The following TEX9 variants were observed in gnomAD, a reference collection of about 807,000 sequenced individuals.
The protein encoded by TEX9 is testis expressed 9.
Under a neutral mutation model 59.6 loss-of-function variants are expected in TEX9, and 74 were observed. The ratio of observed to expected loss-of-function variants is 1.24; its 90% CI spans 1.03 to 1.51. The LOEUF (loss-of-function observed/expected upper bound fraction) is 1.51. Ranked by LOEUF, TEX9 falls within the 40% of genes most tolerant of loss-of-function variation. The pLI is 0.00. For missense variants in TEX9, 522 were observed against 447.8 expected (o/e 1.17, Z -1.49); for synonymous variants, 186 against 152.2 (o/e 1.22, Z -1.64).
the TEX9 span, among the ~76,000 whole-genome samples, chr15:56,453,259 A>C: frequency 3.9e-5 from 6 of 152,182 alleles, no homozygotes; most frequent in Admixed American, 2.6e-4. Context: ...AATTTACTAT[A>C]CATGTACCTC....
intron 12 of TEX9, chr15:56,428,833 G>A (rs1443621690): frequency 2.5e-6 from 1 of 394,920 alleles, no homozygotes; most frequent in South Asian, 4.5e-5. Context: ...TATTAGTCAA[G>A]GTAAATATAC....
chr15:56,359,934 G>T (rs1313443838), intron 1 of TEX9, among the ~76,000 whole-genome samples: 1 of 152,148 alleles, frequency 6.6e-6, no homozygotes, highest in African/African-American at 2.4e-5. Flanking sequence ...CTGAGAGTTT[G>T]TACCTTCAGG....
intron 9 of TEX9, among the ~76,000 whole-genome samples, chr15:56,400,467 A>G (rs536233554): frequency 2.4e-4 from 37 of 152,362 alleles, no homozygotes; most frequent in Admixed American, 1.4e-3. Context: ...CAGAGCCTTC[A>G]AGAAAAATGG....
At chr15:56,397,806 G>A (rs1347613009) in intron 9 of TEX9, 4 of 152,206 alleles carry the variant, frequency 2.6e-5, no homozygotes, top group African/African-American at 9.7e-5. Flanking sequence ...TTAAAAATGG[G>A]AATTTCCCTG....
chr15:56,245,793 T>C (rs115092272), intron 1 of TEX9, among the ~76,000 whole-genome samples: 2,067 of 152,316 alleles, frequency 0.014, 45 homozygotes, highest in African/African-American at 0.047. Context: ...ATTTGAGTCC[T>C]GGAAGTTTAA....
chr15:56,371,101 A>G (rs973508764), intron 2 of TEX9, among the ~76,000 whole-genome samples: 1 of 151,610 alleles, frequency 6.6e-6, no homozygotes, highest in Non-Finnish European at 1.5e-5. Context: ...TCCTCCCTCC[A>G]CCTCCCACTG....
chr15:56,282,414 A>G (rs1334963047), intron 1 of TEX9, among the ~76,000 whole-genome samples: 1 of 152,202 alleles, frequency 6.6e-6, no homozygotes, highest in Non-Finnish European at 1.5e-5. Context: ...AAAACCCAAA[A>G]GGCATATTCA....
intron 1 of TEX9, among the ~76,000 whole-genome samples, chr15:56,262,233 T>G (rs989862637): frequency 6.6e-6 from 1 of 152,206 alleles, no homozygotes; most frequent in Non-Finnish European, 1.5e-5. Context: ...CCAAAACGCA[T>G]TTTCACACAA....
intron 12 of TEX9, chr15:56,431,458 T>G (rs771575913): frequency 1.2e-6 from 2 of 1,613,662 alleles, no homozygotes; most frequent in Non-Finnish European, 1.7e-6. Context: ...AATAAATCCT[T>G]GCCGCCTTTG....
chr15:56,443,850 T>G (rs942563497), intron 12 of TEX9: 25 of 1,596,090 alleles, frequency 1.6e-5, no homozygotes, highest in Non-Finnish European at 2.1e-5. Flanking sequence ...TTTTGTTGTT[T>G]TTCCCTGAAA....
At chr15:56,309,586 C>T (rs1211936601) in intron 1 of TEX9, among the ~76,000 whole-genome samples, 1 of 149,440 alleles carries the variant, frequency 6.7e-6, no homozygotes, top group African/African-American at 2.5e-5. Flanking sequence ...AGTATTCTCT[C>T]CTTTTCTATT....
intron 10 of TEX9, among the ~76,000 whole-genome samples, chr15:56,413,209 A>ATAATTAAATAATTTAATT (rs2049461570): frequency 7.5e-6 from 1 of 132,852 alleles, no homozygotes; most frequent in Admixed American, 7.8e-5. Context: ...TTAATATTTA[A>ATAATTAAATAATTTAATT]TAATTAAATA....
At chr15:56,347,900 C>T (rs2046502376) in intron 1 of TEX9, among the ~76,000 whole-genome samples, 1 of 151,936 alleles carries the variant, frequency 6.6e-6, no homozygotes, top group Non-Finnish European at 1.5e-5. Flanking sequence ...ATATAATGAG[C>T]TCTTAAAACC....
At chr15:56,420,929 T>C (rs2049948302) in intron 10 of TEX9, among the ~76,000 whole-genome samples, 1 of 151,954 alleles carries the variant, frequency 6.6e-6, no homozygotes, top group South Asian at 2.1e-4. Context: ...TTTGAATCAC[T>C]CTAAATTTAT....
At chr15:56,379,346 C>G (rs936930377) in intron 3 of TEX9, among the ~76,000 whole-genome samples, 16 of 152,054 alleles carry the variant, frequency 1.1e-4, no homozygotes, top group African/African-American at 3.9e-4. Flanking sequence ...ATTTCTATGT[C>G]TTTGTATAGT....
chr15:56,255,028 A>C (rs1425719722), intron 1 of TEX9, among the ~76,000 whole-genome samples: 1 of 152,034 alleles, frequency 6.6e-6, no homozygotes, highest in African/African-American at 2.4e-5. Flanking sequence ...TGGAGAGAAA[A>C]GAGATGATTT....
intron 1 of TEX9, among the ~76,000 whole-genome samples, chr15:56,277,195 A>AT (rs1489760730): frequency 6.6e-6 from 1 of 151,932 alleles, no homozygotes; most frequent in Non-Finnish European, 1.5e-5. Context: ...CCATTTGTCA[A>AT]TTTTGGCCTC....
At chr15:56,297,661 C>A (rs774577845) in intron 1 of TEX9, among the ~76,000 whole-genome samples, 1 of 152,164 alleles carries the variant, frequency 6.6e-6, no homozygotes, top group African/African-American at 2.4e-5. Flanking sequence ...TGAGCCACCA[C>A]GCCCAGCTAA....
At chr15:56,283,587 C>T (rs897064448) in intron 1 of TEX9, among the ~76,000 whole-genome samples, 6 of 151,966 alleles carry the variant, frequency 3.9e-5, no homozygotes, top group Admixed American at 2.6e-4. Context: ...TCTCACTTCA[C>T]GTCTAGCATC....
Sources: allele counts gnomAD v4.1 joint callset (sites outside exome capture counted in the v4.1 genomes callset), GRCh38; gene constraint gnomAD v4.1.1; transcripts MANE v1.5; gene names NCBI Gene and HGNC (gene_info 2026-07-23, HGNC 2026-07-21).